Variants in PPARGC1A observed in about 807,000 individuals in gnomAD.
The protein encoded by PPARGC1A is peroxisome proliferator-activated receptor gamma coactivator 1-alpha.
A neutral mutation model predicts 88.7 loss-of-function variants in PPARGC1A; 25 were observed. That is an observed-to-expected ratio of 0.28 (90% confidence interval 0.21 to 0.39). The LOEUF (loss-of-function observed/expected upper bound fraction) is 0.39, where lower values mean the gene tolerates loss of function less well. Ranked by LOEUF, PPARGC1A falls within the 10% of genes least tolerant of loss-of-function variation. The probability of loss-of-function intolerance (pLI) is 1.00; values close to 1 mark genes in which losing one functional copy is unlikely to be tolerated. For missense variants in PPARGC1A, 880 were observed against 968.7 expected, an observed-to-expected ratio of 0.91 and a Z score of 1.22; for synonymous variants, 363 against 355.6, an observed-to-expected ratio of 1.02 and a Z score of -0.24.
chr4:24,427,957 T>A, the PPARGC1A span, among the ~76,000 whole-genome samples: 2,304 of 151,688 alleles, frequency 0.015, 40 homozygotes, highest in African/African-American at 0.053. Flanking sequence ...TAAAAAAAAA[T>A]TTTTTTAATT....
At chr4:24,387,830 A>AAGAAAGAAAGAG in the PPARGC1A span, among the ~76,000 whole-genome samples, 2 of 96,548 alleles carry the variant, frequency 2.1e-5, no homozygotes, top group East Asian at 4.3e-4. Flanking sequence ...GAAAGAGAGA[A>AAGAAAGAAAGAG]AGAGAGAAAG....
chr4:24,309,821 C>T, the PPARGC1A span, among the ~76,000 whole-genome samples: 7 of 152,062 alleles, frequency 4.6e-5, no homozygotes, highest in Admixed American at 2.6e-4. Context: ...ATGGGATAAA[C>T]GCAAGGAAGA....
the PPARGC1A span, among the ~76,000 whole-genome samples, chr4:24,071,859 A>G: frequency 6.6e-6 from 1 of 152,160 alleles, no homozygotes; most frequent in Non-Finnish European, 1.5e-5. Context: ...CTGGATCATG[A>G]GAAGTGTTCC....
At chr4:24,470,457 C>T in the PPARGC1A span, among the ~76,000 whole-genome samples, 2 of 152,118 alleles carry the variant, frequency 1.3e-5, no homozygotes, top group African/African-American at 4.8e-5. This position sits in a 1 kb window ranked among gnomAD's most constrained non-coding sequence, Gnocchi z 5.8. Context: ...GCCCGCCAGG[C>T]GGGGCAGGAT....
the PPARGC1A span, among the ~76,000 whole-genome samples, chr4:24,387,605 C>T: frequency 2.6e-5 from 4 of 151,524 alleles, no homozygotes; most frequent in East Asian, 3.9e-4. Context: ...ATGCTGGTAG[C>T]GCATGCTGGT....
At chr4:24,246,204 C>T in the PPARGC1A span, among the ~76,000 whole-genome samples, 2 of 152,086 alleles carry the variant, frequency 1.3e-5, no homozygotes, top group African/African-American at 2.4e-5. Context: ...TAATATCAAT[C>T]AAATAATATA....
At chr4:24,320,407 C>G in the PPARGC1A span, among the ~76,000 whole-genome samples, 1 of 152,118 alleles carries the variant, frequency 6.6e-6, no homozygotes, top group Non-Finnish European at 1.5e-5. Context: ...ATTTACTTGG[C>G]CAAGTCCAAA....
At chr4:23,914,890 TTGATAAATAGCAAG>T in the PPARGC1A span, among the ~76,000 whole-genome samples, 2 of 152,218 alleles carry the variant, frequency 1.3e-5, no homozygotes, top group African/African-American at 4.8e-5. Flanking sequence ...TTTTGCATTA[TTGATAAATAGCAAG>T]TATTTGTCAT....
the PPARGC1A span, among the ~76,000 whole-genome samples, chr4:24,327,437 T>G: frequency 6.6e-6 from 1 of 152,246 alleles, no homozygotes; most frequent in Non-Finnish European, 1.5e-5. Flanking sequence ...TAATCTTTGC[T>G]GGCAGGACTA....
chr4:24,198,896 C>G, the PPARGC1A span, among the ~76,000 whole-genome samples: 1,989 of 152,222 alleles, frequency 0.013, 43 homozygotes, highest in African/African-American at 0.045. Flanking sequence ...ATGGAGAACA[C>G]TCTGAGCAGA....
At chr4:24,386,792 A>G in the PPARGC1A span, among the ~76,000 whole-genome samples, 5 of 152,226 alleles carry the variant, frequency 3.3e-5, no homozygotes, top group South Asian at 2.1e-4. Context: ...GGATGAATCA[A>G]TATTGTGAAA....
chr4:24,456,186 A>T, the PPARGC1A span, among the ~76,000 whole-genome samples: 1 of 152,226 alleles, frequency 6.6e-6, no homozygotes, highest in Non-Finnish European at 1.5e-5. Context: ...ATTTTGGTAC[A>T]TTTATTCCTA....
the PPARGC1A span, among the ~76,000 whole-genome samples, chr4:24,455,983 G>T: frequency 6.6e-6 from 1 of 152,198 alleles, no homozygotes; most frequent in Non-Finnish European, 1.5e-5. Flanking sequence ...GACACTATCT[G>T]CCTCTTTGCT....
the PPARGC1A span, among the ~76,000 whole-genome samples, chr4:24,122,391 G>A: frequency 7.4e-6 from 1 of 135,608 alleles, no homozygotes; most frequent in African/African-American, 2.8e-5. Context: ...GCGTATGTGT[G>A]TGTGTGTGTG....
the PPARGC1A span, among the ~76,000 whole-genome samples, chr4:24,163,811 C>T: frequency 6.6e-6 from 1 of 152,190 alleles, no homozygotes; most frequent in African/African-American, 2.4e-5. Flanking sequence ...GCATCGCTCT[C>T]ATTAAGTACC....
At chr4:24,470,147 G>C in the PPARGC1A span, among the ~76,000 whole-genome samples, 239 of 152,206 alleles carry the variant, frequency 1.6e-3, 1 homozygote, top group Middle Eastern at 6.8e-3. The surrounding 1 kb of genome is among the most constrained non-coding windows in gnomAD (Gnocchi z 5.8). Flanking sequence ...CCAGGACTGG[G>C]GGGCGCGGCG....
chr4:24,339,164 C>T, the PPARGC1A span, among the ~76,000 whole-genome samples: 1 of 149,248 alleles, frequency 6.7e-6, no homozygotes, highest in East Asian at 2.0e-4. Context: ...GCCTATTTCC[C>T]TTAGCACACT....
At chr4:23,796,261 G>T (rs879259457) in intron 12 of PPARGC1A, among the ~76,000 whole-genome samples, 1 of 152,086 alleles carries the variant, frequency 6.6e-6, no homozygotes, top group South Asian at 2.1e-4. Flanking sequence ...AGATGTAGAC[G>T]TGAGAGTACA....
chr4:24,253,273 T>C, the PPARGC1A span, among the ~76,000 whole-genome samples: 6 of 152,212 alleles, frequency 3.9e-5, no homozygotes, highest in African/African-American at 1.2e-4. Flanking sequence ...CTCTTTTTGT[T>C]CTTTTTCTTC....
Sources: allele counts gnomAD v4.1 joint callset (sites outside exome capture counted in the v4.1 genomes callset), GRCh38; gene constraint gnomAD v4.1.1; non-coding constraint Gnocchi (gnomAD v3.1); transcripts MANE v1.5; gene names NCBI Gene and HGNC (gene_info 2026-07-23, HGNC 2026-07-21).